Variants in PCDHGA7 observed in about 807,000 individuals in gnomAD.
The protein encoded by PCDHGA7 is protocadherin gamma subfamily A, 7.
In PCDHGA7, 44 loss-of-function variants were observed where a neutral mutation model predicts 58.3. The ratio of observed to expected loss-of-function variants is 0.75; its 90% CI spans 0.59 to 0.97. The LOEUF (loss-of-function observed/expected upper bound fraction) is 0.97, where lower values mean the gene tolerates loss of function less well. Ranked by LOEUF, PCDHGA7 falls within the 50% of genes least tolerant of loss-of-function variation. The pLI is 0.00. For synonymous variants in PCDHGA7, 516 were observed against 504.2 expected (o/e 1.02, Z -0.31); for missense variants, 1,266 against 1,188.7 (o/e 1.06, Z -0.96).
intron 1 of PCDHGA7, chr5:141,417,508 TATTTTGGCTGTCAACTCGTAG>T: frequency 4.2e-6 from 1 of 237,898 alleles, no homozygotes; most frequent in East Asian, 9.1e-5. Flanking sequence ...AAGATTAAAA[TATTTTGGCTGTCAACTCGTAG>T]TTTAAAAAAA....
chr5:141,510,791 A>C (rs1244085822), intron 3 of PCDHGA7, 156 bp from the exon 4 acceptor site: 1 of 929,250 alleles, frequency 1.1e-6, no homozygotes, highest in Non-Finnish European at 1.3e-6. Context: ...AACTCTTGTG[A>C]AGAGAGACTA....
chr5:141,457,337 TTAC>T (rs1446765287), intron 1 of PCDHGA7, among the ~76,000 whole-genome samples: 2 of 152,202 alleles, frequency 1.3e-5, no homozygotes, highest in Non-Finnish European at 2.9e-5. Flanking sequence ...GGTACCTTAC[TTAC>T]TTTCATTACC....
chr5:141,417,387 G>GA (rs1356605500), intron 1 of PCDHGA7: 1 of 154,090 alleles, frequency 6.5e-6, no homozygotes, highest in Non-Finnish European at 1.4e-5. Context: ...AAATTTTGAA[G>GA]AAAAAATATT....
At chr5:141,437,393 G>T (rs1034237295) in intron 1 of PCDHGA7, among the ~76,000 whole-genome samples, 3 of 152,180 alleles carry the variant, frequency 2.0e-5, no homozygotes, top group Admixed American at 6.5e-5. Flanking sequence ...TTCATCCACT[G>T]CTTTCATTCC....
intron 1 of PCDHGA7, among the ~76,000 whole-genome samples, chr5:141,462,783 T>C (rs1313584666): frequency 6.6e-6 from 1 of 152,236 alleles, no homozygotes; most frequent in Non-Finnish European, 1.5e-5. Flanking sequence ...CATAATTTGT[T>C]GCTTATTTGC....
intron 1 of PCDHGA7, chr5:141,423,287 C>T: frequency 6.3e-7 from 1 of 1,586,406 alleles, no homozygotes; most frequent in South Asian, 1.1e-5. Flanking sequence ...AACTCTGAAA[C>T]CTCAGACCTC....
chr5:141,384,502 C>A lies in PCDHGA7; in HGVS notation c.1603C>A (p.His535Asn). Reference sequence around the variant, plus strand: ...AGAACTACAACTAAGAGTGACTGCACATGACAGCGGGGACCCGCCTCTCAG... The same window carrying A: ...AGAACTACAACTAAGAGTGACTGCAAATGACAGCGGGGACCCGCCTCTCAG... ...LRELQLRVTA[H>N]DSGDPPLSSN... The change falls in exon 1 of 4, where the codon CAT (histidine) becomes AAT (asparagine). Residue 535 changes from histidine to asparagine, a missense_variant. His to Asn is a moderately conservative substitution (Grantham distance 68, BLOSUM62 1). Coordinates refer to ENST00000518325, the MANE Select transcript of PCDHGA7 (RefSeq NM_018920.4). The A allele has an allele frequency of 6.2e-7, 1 of 1,614,194 alleles. No homozygotes were observed. Among genetic ancestry groups the A allele is most frequent in the Non-Finnish European group, 8.5e-7 (1 of 1,180,008 alleles).
chr5:141,458,390 C>T (rs2098944487), intron 1 of PCDHGA7, among the ~76,000 whole-genome samples: 1 of 152,058 alleles, frequency 6.6e-6, no homozygotes, highest in Non-Finnish European at 1.5e-5. Context: ...GAAGACGCTC[C>T]CCCTTGCAGA....
rs781289120 is a variant in PCDHGA7 at position 141,431,571 on chromosome 5, A to G, written c.2424+46248A>G. ...GTAGTCAACGCTACCGACCCTGACG[A>G]AGGAGTCAATGCGGAAGTGAGGTAT... is the stretch of plus-strand genomic sequence containing the variant. On this transcript the variant is annotated intron_variant, in intron 1 of 3. Transcript: ENST00000518325. The surrounding 1 kb of genome is among the most constrained non-coding windows in gnomAD (Gnocchi z 4.8). 6.2e-7 allele frequency: 1 copy of G among 1,614,144 alleles called. No homozygotes were observed. The highest frequency in any genetic ancestry group is 2.2e-5 in the East Asian group (1 of 44,882).
chr5:141,418,753 A>G, intron 1 of PCDHGA7: 2 of 1,613,974 alleles, frequency 1.2e-6, no homozygotes, highest in South Asian at 2.2e-5. Context: ...ATTACACTAC[A>G]GGAAACATTC....
chr5:141,490,130 C>A lies in PCDHGA7; in HGVS notation c.2425-4677C>A, dbSNP rs535362535. On this transcript the variant is annotated intron_variant, in intron 1 of 3. Coordinates refer to ENST00000518325, the MANE Select transcript of PCDHGA7 (RefSeq NM_018920.4). The surrounding 1 kb of genome is among the most constrained non-coding windows in gnomAD (Gnocchi z 5.4). ...GTGCGGAACCTCTTTGGCCTAGACC[C>A]TAGCAGTGGGGCAATCCATGTGTTG... 11 of 1,614,242 alleles carry A rather than the reference C, an allele frequency of 6.8e-6. No individual in the cohort carries two copies. In the African/African-American group the frequency reaches 1.3e-4, roughly 20 times the overall value.
rs201458212 is a variant in PCDHGA7 at position 141,487,439 on chromosome 5, T to A, written c.2425-7368T>A. On this transcript the variant is annotated intron_variant, in intron 1 of 3. Coordinates refer to ENST00000518325, the MANE Select transcript of PCDHGA7 (RefSeq NM_018920.4). The surrounding 1 kb of genome is among the most constrained non-coding windows in gnomAD (Gnocchi z 5.0). ...TGGGATCCTCCGAATCCAGCTAGGG[T>A]CAGATGACCCTATCAAGTTTGTTGA... The A allele has an allele frequency of 1.5e-4, 242 of 1,613,808 alleles. No individual in the cohort carries two copies. Among genetic ancestry groups the A allele is most frequent in the Non-Finnish European group, 1.9e-4 (230 of 1,179,978 alleles).
chr5:141,416,120 A>C (rs2095996372), intron 1 of PCDHGA7: 1 of 155,288 alleles, frequency 6.4e-6, no homozygotes, highest in African/African-American at 2.4e-5. Context: ...ACTACATTTT[A>C]TATATTTTTC....
At position 141,431,783 on chromosome 5, in the gene PCDHGA7, G is replaced by T; in HGVS notation, c.2424+46460G>T. 2 of 1,614,174 alleles carry T rather than the reference G, an allele frequency of 1.2e-6. No homozygotes were observed. Among genetic ancestry groups the T allele is most frequent in the East Asian group, 2.2e-5 (1 of 44,878 alleles). On this transcript the variant is annotated intron_variant, in intron 1 of 3. Transcript: ENST00000518325. The surrounding 1 kb of genome is among the most constrained non-coding windows in gnomAD (Gnocchi z 4.8). Reference sequence around the variant, plus strand: ...CCTGATCACTGTTCTGGACGTGAACGACAATGCCCCAGAAGTGGTCCTCAC... The same window carrying T: ...CCTGATCACTGTTCTGGACGTGAACTACAATGCCCCAGAAGTGGTCCTCAC...
At chr5:141,420,527 G>T (rs368419425) in intron 1 of PCDHGA7, 3 of 349,150 alleles carry the variant, frequency 8.6e-6, no homozygotes, top group Non-Finnish European at 1.5e-5. Flanking sequence ...ATACCTTTCG[G>T]TTAAAAATAT....
At chr5:141,399,512 C>T (rs2093823931) in intron 1 of PCDHGA7, 1 of 1,614,044 alleles carries the variant, frequency 6.2e-7, no homozygotes, top group East Asian at 2.2e-5. Context: ...GAAAACAACC[C>T]TCCTGGGGCC....
chr5:141,479,733 A>G (rs2099504879), intron 1 of PCDHGA7: 1 of 152,254 alleles, frequency 6.6e-6, no homozygotes, highest in Admixed American at 6.5e-5. Context: ...TTTCTTAAGT[A>G]TATGCACAAT....
chr5:141,419,370 A>T, intron 1 of PCDHGA7: 1 of 1,613,692 alleles, frequency 6.2e-7, no homozygotes, highest in Non-Finnish European at 8.5e-7. Context: ...CTGTCGTCCT[A>T]CGTGTCCGTG....
Position 141,486,895 on chromosome 5 carries a change from C to T in PCDHGA7, c.2425-7912C>T, listed in dbSNP as rs1286004461. ...TCCGTCCTCGGGCCCGGCCTGGTTC[C>T]TTATGTCCCCAAGCACTGCCTCCAT... On this transcript the variant is annotated intron_variant, in intron 1 of 3. Coordinates refer to ENST00000518325, the MANE Select transcript of PCDHGA7 (RefSeq NM_018920.4). This position sits in a 1 kb window ranked among gnomAD's most constrained non-coding sequence, Gnocchi z 5.0. 3 of 1,614,134 alleles carry T rather than the reference C, an allele frequency of 1.9e-6. No homozygotes were observed. The highest frequency in any genetic ancestry group is 3.3e-5 in the Admixed American group (2 of 60,012).
Sources: allele counts gnomAD v4.1 joint callset (sites outside exome capture counted in the v4.1 genomes callset), GRCh38; gene constraint gnomAD v4.1.1; non-coding constraint Gnocchi (gnomAD v3.1); transcripts MANE v1.5; gene names NCBI Gene and HGNC (gene_info 2026-07-23, HGNC 2026-07-21).